The following DHX37 variants were observed in gnomAD, a reference collection of about 807,000 sequenced individuals.
The protein encoded by DHX37 is DEAH-box helicase 37, also known as probable ATP-dependent RNA helicase DHX37.
Under a neutral mutation model 134.3 loss-of-function variants are expected in DHX37, and 52 were observed. The ratio of observed to expected loss-of-function variants is 0.39; its 90% CI spans 0.31 to 0.49. The LOEUF (loss-of-function observed/expected upper bound fraction) is 0.49. Ranked by LOEUF, DHX37 falls within the 20% of genes least tolerant of loss-of-function variation. The pLI, the probability that DHX37 is intolerant of heterozygous loss-of-function variation, is 0.93. For missense variants in DHX37, 1,344 were observed against 1,580.8 expected (o/e 0.85, Z 2.54); for synonymous variants, 634 against 670.7 (o/e 0.95, Z 0.85).
chr12:124,954,588 C>T (rs967887201), intron 18 of DHX37, among the ~76,000 whole-genome samples: 1 of 152,048 alleles, frequency 6.6e-6, no homozygotes, highest in African/African-American at 2.4e-5. Context: ...TTAGTAGAGA[C>T]AGAGTTTCAC....
chr12:124,967,049 T>C lies in DHX37; in HGVS notation c.1504+74A>G, dbSNP rs1009851283. The stretch of plus-strand genomic sequence containing the variant: ...CAGAGAGAAGCTCAGAGGCAGGAGC[T>C]GCACCCCAGCCAGGGAGCGCGAGGC... On this transcript the variant is annotated intron_variant, in intron 11 of 26. Transcript: ENST00000308736. The C allele has an allele frequency of 7.0e-6, 11 of 1,562,682 alleles. No individual in the cohort carries two copies. The East Asian group carries it at 9.0e-5, about 13-fold the overall frequency.
intron 20 of DHX37, 28 bp from the exon 21 acceptor site, chr12:124,952,598 G>C: frequency 6.5e-7 from 1 of 1,540,368 alleles, no homozygotes; most frequent in South Asian, 1.2e-5. Context: ...AGTGAGGTCG[G>C]TGGTGGCAAG....
At chr12:124,970,128 A>C (rs1006515805) in intron 8 of DHX37, among the ~76,000 whole-genome samples, 2 of 152,122 alleles carry the variant, frequency 1.3e-5, no homozygotes, top group African/African-American at 4.8e-5. Context: ...GTGCGCCACC[A>C]GGCCTGGCTA....
intron 24 of DHX37, 43 bp from the exon 25 acceptor site, chr12:124,950,102 T>C (rs752684579): frequency 2.5e-6 from 4 of 1,613,844 alleles, no homozygotes; most frequent in East Asian, 2.2e-5. Flanking sequence ...GGGCTGCTGC[T>C]GCCCACGGTA....
In DHX37 at chr12:124,953,904, G is replaced by A; in HGVS notation, c.2671C>T (p.Leu891=). 1 of 1,612,030 alleles carries A rather than the reference G, an allele frequency of 6.2e-7. No individual in the cohort carries two copies. The highest frequency in any genetic ancestry group is 2.2e-5 in the East Asian group (1 of 44,828). ...CCTGCGGTGGTCAGCTGGCCCCGCA[G>A]GCGCCGGATCTCCATCATGGCTTTG... ...RYKAMMEIRR[L]RGQLTTAVNA... Residue 891 remains leucine (L), a synonymous_variant, in exon 20 of 27, where the codon CTG becomes TTG. Coordinates refer to ENST00000308736, the MANE Select transcript of DHX37 (RefSeq NM_032656.4).
intron 22 of DHX37, 54 bp downstream of exon 22, chr12:124,950,636 A>G: frequency 6.3e-7 from 1 of 1,591,752 alleles, no homozygotes; most frequent in Non-Finnish European, 8.6e-7. Context: ...TCCCAGCCAC[A>G]CCCCCATTAG....
In DHX37 at chr12:124,950,687, C is replaced by T. The variant is rs375705373; in HGVS notation, c.2983+3G>A. ...ACAAGGGGCTGTCCGCAGGCCTCGG[C>T]ACCTTTCATGTACATCTTAGTGGTC... On this transcript the variant is annotated splice_donor_region_variant and intron_variant, in intron 22 of 26. Coordinates refer to ENST00000308736, the MANE Select transcript of DHX37 (RefSeq NM_032656.4). The T allele has an allele frequency of 1.2e-6, 2 of 1,612,330 alleles. No individual in the cohort carries two copies. The highest frequency in any genetic ancestry group is 1.3e-5 in the African/African-American group (1 of 74,868).
intron 5 of DHX37, among the ~76,000 whole-genome samples, chr12:124,976,149 T>TGTGGACACAG (rs1368601493): frequency 2.0e-5 from 3 of 152,234 alleles, no homozygotes; most frequent in African/African-American, 7.2e-5. Context: ...ATAGTTCCTG[T>TGTGGACACAG]GTGGCCACAG....
At chr12:124,974,964 C>G (rs1954602894) in intron 6 of DHX37, among the ~76,000 whole-genome samples, 1 of 152,000 alleles carries the variant, frequency 6.6e-6, no homozygotes, top group African/African-American at 2.4e-5. Flanking sequence ...TTAGTAGAGA[C>G]AGGGTTTCTC....
At chr12:124,979,427 CT>C (rs558883974) in intron 4 of DHX37, among the ~76,000 whole-genome samples, 24 of 152,264 alleles carry the variant, frequency 1.6e-4, no homozygotes, top group African/African-American at 5.1e-4. Context: ...AAACAACCAA[CT>C]ATCCAGCAAC....
chr12:124,974,978 G>C (rs1806638365), intron 6 of DHX37, among the ~76,000 whole-genome samples: 2 of 151,980 alleles, frequency 1.3e-5, no homozygotes, highest in African/African-American at 4.8e-5. Context: ...GTTTCTCCAT[G>C]TTGGTCAGGT....
chr12:124,959,912 G>A (rs1473824504), intron 16 of DHX37, among the ~76,000 whole-genome samples: 11 of 152,152 alleles, frequency 7.2e-5, no homozygotes, highest in African/African-American at 1.4e-4. Flanking sequence ...AGCGTGGCAC[G>A]GGGCACTGCC....
chr12:124,964,805 A>G (rs1954343747), intron 14 of DHX37, 125 bp downstream of exon 14: 2 of 1,431,032 alleles, frequency 1.4e-6, no homozygotes, highest in South Asian at 2.7e-5. Context: ...CTACCCCAAT[A>G]TTCCTCAAAA....
In DHX37 at chr12:124,950,903, C is replaced by T. The variant is rs976036579; in HGVS notation, c.2869-99G>A. 1.3e-5 allele frequency: 18 copies of T among 1,422,504 alleles called. No homozygotes were observed. The East Asian group carries it at 1.4e-4, about 11-fold the overall frequency. 88.1% of individuals were successfully genotyped at this position (1,422,504 alleles called of 1,614,324 possible). A position where few individuals can be genotyped will look rare whatever the true frequency, so the allele number is the denominator to read the frequency against. ...GAAGAATCTGATTATCCACTCCAGC[C>T]GCAAAAGTGGGAGAGTGCTCCATCT... On this transcript the variant is annotated intron_variant, in intron 21 of 26. Transcript: ENST00000308736.
At chr12:124,987,866 A>G (rs1954905022) in intron 1 of DHX37, among the ~76,000 whole-genome samples, 1 of 152,042 alleles carries the variant, frequency 6.6e-6, no homozygotes. Flanking sequence ...AAACTTTTGA[A>G]TTTTGGAGTA....
At position 124,964,621 on chromosome 12, in the gene DHX37, A is replaced by G; in HGVS notation, c.1818T>C (p.Phe606=). 1.2e-6 allele frequency: 2 copies of G among 1,607,324 alleles called. No individual in the cohort carries two copies. The highest frequency in any genetic ancestry group is 1.7e-6 in the Non-Finnish European group (2 of 1,178,492). ...ACCGAGTCCCCTCCGGTGGAGGCTTAAAGACCTAGGATTCGGGGAAGGGAT... is the reference window on the plus strand; with the variant it reads ...ACCGAGTCCCCTCCGGTGGAGGCTTGAAGACCTAGGATTCGGGGAAGGGAT... ...LLAPEKQAQV[F]KPPPEGTRLC... is the part of the protein sequence containing the mutation. The change falls in exon 15 of 27, where the codon TTT becomes TTC. Residue 606 remains phenylalanine (F), a synonymous_variant. Transcript: ENST00000308736.
Position 124,980,210 on chromosome 12 carries a change from G to A in DHX37, c.738+280C>T, listed in dbSNP as rs1464683028. On this transcript the variant is annotated intron_variant, in intron 4 of 26. Coordinates refer to ENST00000308736, the MANE Select transcript of DHX37 (RefSeq NM_032656.4). The surrounding 1 kb of genome is among the most constrained non-coding windows in gnomAD (Gnocchi z 5.3). ...TCTGGATCGGGGCAGCCCAGGCCAG[G>A]CCCGCTGGTCAGAGGGCAGTGGCGA... Among the ~76,000 whole-genome samples the A allele has an allele frequency of 3.3e-5, 5 of 152,244 alleles. No individual in the cohort carries two copies. The highest frequency in any genetic ancestry group is 7.3e-5 in the Non-Finnish European group (5 of 68,044).
chr12:124,961,045 C>T (rs530344813), intron 15 of DHX37, among the ~76,000 whole-genome samples: 1 of 151,570 alleles, frequency 6.6e-6, no homozygotes, highest in Admixed American at 6.6e-5. Flanking sequence ...TTACTTCTTA[C>T]TGGTTTTCTT....
In DHX37 at chr12:124,982,626, G is replaced by A. The variant is rs762125652; in HGVS notation, c.277-3C>T. ...AGCTTCTGTAGCATCTCTGCTCGCTGGGAAAGGAAACGAGTGTATTATGCA... is the reference window on the plus strand; with the variant it reads ...AGCTTCTGTAGCATCTCTGCTCGCTAGGAAAGGAAACGAGTGTATTATGCA... On this transcript the variant is annotated splice_region_variant and splice_polypyrimidine_tract_variant and intron_variant, in intron 2 of 26. Transcript: ENST00000308736. The A allele has an allele frequency of 6.2e-7, 1 of 1,612,644 alleles. No individual in the cohort carries two copies.
Sources: gnomAD v4.1 joint callset for allele counts (sites outside exome capture counted in the v4.1 genomes callset) on GRCh38, gnomAD v4.1.1 for gene constraint, Gnocchi (gnomAD v3.1) non-coding constraint, MANE v1.5 for transcripts, NCBI Gene and HGNC (gene_info 2026-07-23, HGNC 2026-07-21) for gene names.